The following NOTCH2 variants were observed in gnomAD, a reference collection of about 807,000 sequenced individuals.
The protein encoded by NOTCH2 is notch receptor 2.
A neutral mutation model predicts 235.8 loss-of-function variants in NOTCH2; 29 were observed. The observed-to-expected ratio is 0.12, with a 90% CI of 0.09 to 0.17. NOTCH2 has a LOEUF of 0.17. Among genes scored for constraint, NOTCH2 ranks in the 10% least tolerant of loss-of-function variants. The pLI, the probability that NOTCH2 is intolerant of heterozygous loss-of-function variation, is 1.00. For synonymous variants in NOTCH2, 1,086 were observed against 1,141.5 expected (o/e 0.95, Z 0.98); for missense variants, 2,285 against 3,150.2 (o/e 0.73, Z 6.57).
At position 119,955,235 on chromosome 1, in the gene NOTCH2, G is replaced by A. The variant is rs1553198269; in HGVS notation, c.2027-3C>T. ...AATGTCAATGTTACATCTCTGCCCT[G>A]TGGAGAAGGGGGACAGTGTTAGTCA... On this transcript the variant is annotated splice_region_variant and splice_polypyrimidine_tract_variant and intron_variant, in intron 12 of 33. Transcript: ENST00000256646. The A allele has an allele frequency of 6.2e-7, 1 of 1,613,974 alleles. No individual in the cohort carries two copies. Among genetic ancestry groups the A allele is most frequent in the Non-Finnish European group, 8.5e-7 (1 of 1,179,862 alleles).
intron 5 of NOTCH2, among the ~76,000 whole-genome samples, chr1:119,979,527 G>T (rs1380791339): frequency 6.6e-6 from 1 of 152,058 alleles, no homozygotes; most frequent in Non-Finnish European, 1.5e-5. Context: ...GACATTTTTT[G>T]ACTAACCAAA....
intron 33 of NOTCH2, 49 bp from the exon 34 acceptor site, chr1:119,916,743 A>G (rs745569116): frequency 3.8e-6 from 6 of 1,585,210 alleles, no homozygotes; most frequent in Non-Finnish European, 5.2e-6. Flanking sequence ...ACTCTTGAGA[A>G]TATAGCAGTT....
At chr1:119,932,208 G>T (rs1649688478) in intron 22 of NOTCH2, among the ~76,000 whole-genome samples, 1 of 152,014 alleles carries the variant, frequency 6.6e-6, no homozygotes, top group Admixed American at 6.5e-5. Flanking sequence ...TTATATGCCT[G>T]CAAGATAACT....
intron 2 of NOTCH2, among the ~76,000 whole-genome samples, chr1:120,023,526 G>GA (rs1159450893): frequency 8.2e-6 from 1 of 121,748 alleles, no homozygotes; most frequent in Non-Finnish European, 1.6e-5. Flanking sequence ...AGTGCAGGCT[G>GA]AACCATACTA....
Position 119,923,668 on chromosome 1 carries a change from G to C in NOTCH2, c.4828C>G (p.Leu1610Val). The change falls in exon 26 of 34, where the codon CTT (leucine) becomes GTT (valine). Residue 1610 changes from leucine (L) to valine (V), a missense_variant. By Grantham distance (32) the Leu-to-Val change is conservative. Around this residue, in one of 6 missense-constraint regions of NOTCH2, gnomAD observed 1,173 missense variants for 1,515.3 expected, o/e 0.77. Transcript: ENST00000256646. ...ACCTCCTGTTCTTGTTCACCAGGAA[G>C]GGATCTGCGTGTCATCCTCTGTTTC... Reference protein sequence around the residue: ...MKKQRMTRRSLPGEQEQEVAG... With the variant: ...MKKQRMTRRSVPGEQEQEVAG... The C allele has an allele frequency of 3.7e-6, 6 of 1,614,150 alleles. No individual in the cohort carries two copies. In the African/African-American group the frequency reaches 6.7e-5, roughly 18 times the overall value.
rs1553197682 is a variant in NOTCH2, at chr1:119,950,720, C to T, written c.2479+4G>A. On this transcript the variant is annotated splice_donor_region_variant and intron_variant, in intron 15 of 33. Transcript: ENST00000256646. ...TGGTCCCTGCTGGTACCTCCAGGAC[C>T]CACCTGTGTATGGCAGCACACAGTG... The T allele has an allele frequency of 3.1e-6, 5 of 1,595,904 alleles. No homozygotes were observed. The Admixed American group carries it at 8.3e-5, about 27-fold the overall frequency.
chr1:119,938,749 C>T (rs1649956187), intron 19 of NOTCH2, among the ~76,000 whole-genome samples: 1 of 151,892 alleles, frequency 6.6e-6, no homozygotes, highest in Non-Finnish European at 1.5e-5. Context: ...GGCGCTATCT[C>T]CGCTAACTGC....
intron 2 of NOTCH2, among the ~76,000 whole-genome samples, chr1:120,023,362 G>A (rs587753476): frequency 1.1e-4 from 17 of 151,158 alleles, no homozygotes; most frequent in African/African-American, 2.7e-4. Flanking sequence ...GCAAGAACCC[G>A]GGAGGCGGAG....
At chr1:120,026,974 C>T (rs1215577566) in intron 2 of NOTCH2, among the ~76,000 whole-genome samples, 4 of 136,454 alleles carry the variant, frequency 2.9e-5, no homozygotes, top group African/African-American at 1.1e-4. Context: ...TTTTTGGAGA[C>T]ACAGTCTCGC....
At chr1:119,928,909 G>A (rs1051351739) in intron 23 of NOTCH2, 67 bp downstream of exon 23, 34 of 1,348,954 alleles carry the variant, frequency 2.5e-5, no homozygotes, top group Non-Finnish European at 3.4e-5. Flanking sequence ...ACAACTCACA[G>A]GGCCCAATTT....
In NOTCH2 at chr1:119,916,551, G is replaced by A. The variant is rs770625694; in HGVS notation, c.6171C>T (p.Asp2057=). 1.2e-6 allele frequency: 2 copies of A among 1,614,134 alleles called. No homozygotes were observed. The highest frequency in any genetic ancestry group is 1.7e-6 in the Non-Finnish European group (2 of 1,180,010). The part of the protein sequence containing the change: ...RDVARDRMHH[D]IVRLLDEYNV... ...TGTATTCATCCAGAAGGCGCACAAT[G>A]TCATGGTGCATGCGATCCCGAGCCA... The change falls in exon 34 of 34, where the codon GAC becomes GAT. Residue 2057 remains aspartate (D), a synonymous_variant. Coordinates refer to ENST00000256646, the MANE Select transcript of NOTCH2 (RefSeq NM_024408.4).
At chr1:120,069,197 G>A in intron 1 of NOTCH2, 137 bp downstream of exon 1, 2 of 1,528,114 alleles carry the variant, frequency 1.3e-6, no homozygotes, top group Non-Finnish European at 8.7e-7. Context: ...AAACTCTTGG[G>A]AACCCAGCGA....
At chr1:119,994,563 CACACACACAT>C (rs1385767460) in intron 4 of NOTCH2, 72 of 130,158 alleles carry the variant, frequency 5.5e-4, no homozygotes, top group Admixed American at 4.0e-3. Context: ...CACACACACA[CACACACACAT>C]ATTGATATGT....
At position 119,916,557 on chromosome 1, in the gene NOTCH2, G is replaced by T; in HGVS notation, c.6165C>A (p.His2055Gln). Reference protein sequence around the residue: ...LPRDVARDRMHHDIVRLLDEY... With the variant: ...LPRDVARDRMQHDIVRLLDEY... ...CATCCAGAAGGCGCACAATGTCATG[G>T]TGCATGCGATCCCGAGCCACATCCC... The change falls in exon 34 of 34, where the codon CAC becomes CAA. Residue 2055 changes from histidine to glutamine, a missense_variant. Transcript: ENST00000256646. The T allele has an allele frequency of 6.2e-7, 1 of 1,614,112 alleles. No individual in the cohort carries two copies. Among genetic ancestry groups the T allele is most frequent in the East Asian group, 2.2e-5 (1 of 44,880 alleles).
intron 1 of NOTCH2, among the ~76,000 whole-genome samples, chr1:120,036,927 G>A (rs587617263): frequency 2.6e-4 from 40 of 152,268 alleles, no homozygotes; most frequent in African/African-American, 9.6e-4. Flanking sequence ...CATATCACTG[G>A]CTTAAAAGCC....
At chr1:120,048,048 T>G (rs1178898952) in intron 1 of NOTCH2, among the ~76,000 whole-genome samples, 4 of 152,014 alleles carry the variant, frequency 2.6e-5, no homozygotes, top group Non-Finnish European at 5.9e-5. Context: ...TTAACAGGCA[T>G]GAGCCACCAT....
chr1:119,924,099 C>G, intron 25 of NOTCH2, 115 bp from the exon 26 acceptor site: 2 of 882,120 alleles, frequency 2.3e-6, no homozygotes, highest in South Asian at 1.5e-5. Flanking sequence ...TGGCCCACAC[C>G]CAGGACCCAA....
intron 22 of NOTCH2, among the ~76,000 whole-genome samples, chr1:119,931,437 G>A (rs587688356): frequency 1.3e-5 from 2 of 151,788 alleles, no homozygotes; most frequent in East Asian, 3.9e-4. Context: ...AATTTAATGA[G>A]ACCCCACTAA....
At chr1:119,927,793 A>G (rs946700627) in intron 23 of NOTCH2, among the ~76,000 whole-genome samples, 1 of 152,202 alleles carries the variant, frequency 6.6e-6, no homozygotes, top group Non-Finnish European at 1.5e-5. Context: ...CTCAATAGCT[A>G]TTATGTTCAC....
Sources: gnomAD v4.1 joint callset for allele counts (sites outside exome capture counted in the v4.1 genomes callset) on GRCh38, gnomAD v4.1.1 for gene constraint, gnomAD v4.1.1 regional missense constraint, MANE v1.5 for transcripts, NCBI Gene and HGNC (gene_info 2026-07-23, HGNC 2026-07-21) for gene names.